Variants in ZNF577 observed in about 807,000 individuals in gnomAD.
ZNF577 encodes zinc finger protein 577.
In ZNF577, 14 loss-of-function variants were observed where a neutral mutation model predicts 13.9. That is an observed-to-expected ratio of 1.00 (90% CI 0.66 to 1.57). ZNF577 has a LOEUF of 1.57. ZNF577 is among the 40% of genes most tolerant of loss of function. ZNF577 has a pLI of 0.00. For missense variants in ZNF577, 555 were observed against 579.2 expected (o/e 0.96, Z 0.43); for synonymous variants, 203 against 202.9 (o/e 1.00, Z 0.00).
At chr19:51,821,582 T>C (rs2084189887) in intron 9 of ZNF577, among the ~76,000 whole-genome samples, 1 of 151,936 alleles carries the variant, frequency 6.6e-6, no homozygotes, top group African/African-American at 2.4e-5. Context: ...TGACTGGTAA[T>C]GACAGGAAGA....
At chr19:51,850,686 T>C (rs2122562829) in intron 5 of ZNF577, among the ~76,000 whole-genome samples, 1 of 152,348 alleles carries the variant, frequency 6.6e-6, no homozygotes, top group South Asian at 2.1e-4. Flanking sequence ...TAATCATGGG[T>C]ATCCCCAAAT....
chr19:51,858,050 T>C (rs778096466), intron 5 of ZNF577, among the ~76,000 whole-genome samples: 3 of 152,084 alleles, frequency 2.0e-5, no homozygotes, highest in African/African-American at 4.8e-5. Flanking sequence ...TCACCAGATA[T>C]GCTCCCACTG....
rs575144492 is a variant in ZNF577 at position 51,873,341 on chromosome 19, T to G, written c.649A>C (p.Ser217Arg). 2 of 1,614,222 alleles carry G rather than the reference T, an allele frequency of 1.2e-6. No homozygotes were observed. Among genetic ancestry groups the G allele is most frequent in the East Asian group, 4.5e-5 (2 of 44,884 alleles). The change falls in exon 6 of 6, where the codon AGT (serine) becomes CGT (arginine). Residue 217 changes from serine (S) to arginine (R), a missense_variant. Ser to Arg is a moderately radical substitution (Grantham distance 110). Transcript: ENST00000638348. ...CTGGAGAAGGCTTTTCCACATTCAC[T>G]ACATTCATGGGGCTTCTCTCCTGTG... ...THTGEKPHEC[S>R]ECGKAFSRKS... is the part of the protein sequence containing the mutation.
rs1688297047 is a variant in ZNF577, at chr19:51,872,525, A to T, written c.*7T>A. 2 of 1,546,344 alleles carry T rather than the reference A, an allele frequency of 1.3e-6. No homozygotes were observed. The highest frequency in any genetic ancestry group is 2.8e-5 in the African/African-American group (2 of 72,682). On this transcript the variant is annotated 3_prime_UTR_variant, in exon 6 of 6. Coordinates refer to ENST00000638348, the MANE Select transcript of ZNF577 (RefSeq NM_001370449.1). The stretch of plus-strand genomic sequence containing the variant: ...AAGATTTTCCCACCTTTCTGGTATC[A>T]GAAGATTTATTCTGATACAATATCT...
intron 5 of ZNF577, among the ~76,000 whole-genome samples, chr19:51,875,817 G>A (rs962949076): frequency 4.6e-5 from 7 of 152,194 alleles, no homozygotes; most frequent in African/African-American, 7.2e-5. Context: ...TCAGTCAAAC[G>A]TGCAGCAATG....
chr19:51,880,444 A>G lies in ZNF577; in HGVS notation c.-19-43T>C, dbSNP rs1729402574. ...ACACAGTTTAAAGCAGAGAAAACCC[A>G]CAGGGTCTTAACAGTCACTTAGCTA... On this transcript the variant is annotated intron_variant, in intron 2 of 5. Transcript: ENST00000638348. 4 of 1,573,538 alleles carry G rather than the reference A, an allele frequency of 2.5e-6. No homozygotes were observed. In the East Asian group the frequency reaches 9.0e-5, roughly 35 times the overall value.
intron 7 of ZNF577, chr19:51,843,132 T>C (rs970792710): frequency 2.0e-5 from 3 of 152,144 alleles, no homozygotes; most frequent in Admixed American, 6.5e-5. Context: ...ATTGTGGCAA[T>C]AGAAAAAAAG....
In ZNF577 at chr19:51,880,362, T is replaced by C. The variant is rs1406164029; in HGVS notation, c.21A>G (p.Val7=). 6.2e-7 allele frequency: 1 copy of C among 1,614,134 alleles called. No individual in the cohort carries two copies. Among genetic ancestry groups the C allele is most frequent in the South Asian group, 1.1e-5 (1 of 91,080 alleles). ...TGCCTTGCTCTCTCCTCACAGACAT[T>C]ACAATCGTGGCATTTTTCATGTGTT... The part of the protein sequence containing the change: MKNATI[V]MSVRREQGSS... The change falls in exon 3 of 6, where the codon GTA becomes GTG. Residue 7 remains valine (V), a synonymous_variant. Transcript: ENST00000638348.
rs2084600581 is a variant in ZNF577, at chr19:51,868,439, G to A, written c.*4093C>T. ...GCCCATGAGAGCAGGAAGAACAAGG[G>A]CAAACATGTCCCACACAACAATGGG... is the stretch of plus-strand genomic sequence containing the variant. On this transcript the variant is annotated 3_prime_UTR_variant, in exon 6 of 6. Transcript: ENST00000638348. Among the ~76,000 whole-genome samples, 1 of 152,086 alleles carries A rather than the reference G, an allele frequency of 6.6e-6. No individual in the cohort carries two copies. The highest frequency in any genetic ancestry group is 2.1e-4 in the South Asian group (1 of 4,816).
At position 51,824,410 on chromosome 19, in the gene ZNF577, A is replaced by G. The variant is rs2084215415; in HGVS notation, c.*600-12736T>C. On this transcript the variant is annotated intron_variant and NMD_transcript_variant, in intron 9 of 10. Coordinates refer to the ZNF577 transcript ENST00000638827. This position sits in a 1 kb window ranked among gnomAD's most constrained non-coding sequence, Gnocchi z 4.7. Reference sequence around the variant, plus strand: ...CCTATGTCCATCATCACAGTCTGCTATGGGATCATCGCTGCCAAAATTCAC... The same window carrying G: ...CCTATGTCCATCATCACAGTCTGCTGTGGGATCATCGCTGCCAAAATTCAC... 7 of 1,613,940 alleles carry G rather than the reference A, an allele frequency of 4.3e-6. No individual in the cohort carries two copies. Among genetic ancestry groups the G allele is most frequent in the Non-Finnish European group, 5.9e-6 (7 of 1,180,006 alleles).
Position 51,813,161 on chromosome 19 carries a change from C to CA in ZNF577, c.*600-1488_*600-1487insT, listed in dbSNP as rs71304202. Among the ~76,000 whole-genome samples, 321 of 149,530 alleles carry CA rather than the reference C, an allele frequency of 2.1e-3. 2 individuals carry two copies. The highest frequency in any genetic ancestry group is 0.014 in the Middle Eastern group (4 of 292). ...ACACACACACACACACACACACACA[C>CA]CCCATAAATTTATTGATCACAGTTC... On this transcript the variant is annotated intron_variant and NMD_transcript_variant, in intron 9 of 10. Transcript: ENST00000638827.
intron 9 of ZNF577, among the ~76,000 whole-genome samples, chr19:51,818,420 T>C (rs111765854): frequency 6.6e-6 from 1 of 152,210 alleles, no homozygotes; most frequent in Non-Finnish European, 1.5e-5. Flanking sequence ...GACAGTGCTA[T>C]GCTAGAGACA....
intron 9 of ZNF577, among the ~76,000 whole-genome samples, chr19:51,812,235 A>G (rs1450788034): frequency 2.0e-5 from 3 of 152,230 alleles, no homozygotes; most frequent in Non-Finnish European, 2.9e-5. Context: ...ATATGGCCCA[A>G]CGTAGGGTGA....
Position 51,887,297 on chromosome 19 carries a change from G to A in ZNF577, c.-695C>T, listed in dbSNP as rs2084962506. 6.6e-6 allele frequency: 1 copy of A among 152,194 alleles called. No individual in the cohort carries two copies. The highest frequency in any genetic ancestry group is 6.5e-5 in the Admixed American group (1 of 15,282). 9.4% of individuals were successfully genotyped at this position (152,194 alleles called of 1,614,324 possible). A position where few individuals can be genotyped will look rare whatever the true frequency, so the allele number is the denominator to read the frequency against. On this transcript the variant is annotated 5_prime_UTR_variant, in exon 1 of 6. Transcript: ENST00000638348. ...AATTTAAAAAACTCTCAAAGAGCAT[G>A]TAATATGGGAATACGAAGTTGACAA... is the stretch of plus-strand genomic sequence containing the variant.
At chr19:51,855,220 T>C (rs937535158) in intron 5 of ZNF577, among the ~76,000 whole-genome samples, 1 of 152,194 alleles carries the variant, frequency 6.6e-6, no homozygotes, top group Admixed American at 6.5e-5. Flanking sequence ...TTGCGATTGT[T>C]GTTGCAGTTT....
At chr19:51,815,503 A>G (rs543634440) in intron 9 of ZNF577, among the ~76,000 whole-genome samples, 1 of 150,588 alleles carries the variant, frequency 6.6e-6, no homozygotes, top group South Asian at 2.1e-4. Flanking sequence ...TGGGAGGTGG[A>G]GGTTGCAGTG....
chr19:51,816,755 G>C (rs1022582239), intron 9 of ZNF577, among the ~76,000 whole-genome samples: 1 of 152,162 alleles, frequency 6.6e-6, no homozygotes, highest in Non-Finnish European at 1.5e-5. Context: ...CCTTTAACTT[G>C]TGCGATCTGA....
At chr19:51,851,541 T>C (rs2084378617) in intron 5 of ZNF577, among the ~76,000 whole-genome samples, 1 of 152,184 alleles carries the variant, frequency 6.6e-6, no homozygotes, top group African/African-American at 2.4e-5. Context: ...TCCTGAGTCC[T>C]AACTACTAAG....
intron 5 of ZNF577, among the ~76,000 whole-genome samples, chr19:51,850,224 C>G (rs2084373006): frequency 6.6e-6 from 1 of 152,118 alleles, no homozygotes; most frequent in Non-Finnish European, 1.5e-5. Context: ...TCTTTGTTTA[C>G]CTGGTTGCCT....
Sources: gnomAD v4.1 joint callset for allele counts (sites outside exome capture counted in the v4.1 genomes callset) on GRCh38, gnomAD v4.1.1 for gene constraint, Gnocchi (gnomAD v3.1) non-coding constraint, MANE v1.5 for transcripts, NCBI Gene and HGNC (gene_info 2026-07-23, HGNC 2026-07-21) for gene names.